ADRA1B: variants seen among roughly 807,000 people sequenced by gnomAD.
ADRA1B encodes the protein adrenoceptor alpha 1B, also known as alpha-1B adrenergic receptor.
ADRA1B carries 17 observed loss-of-function variants against 17.9 expected under a neutral mutation model. The observed-to-expected ratio is 0.95, with a 90% confidence interval of 0.65 to 1.42. ADRA1B has a LOEUF of 1.42. ADRA1B is among the 40% of genes most tolerant of loss of function. The pLI is 0.00. For synonymous variants in ADRA1B, 366 were observed against 327.6 expected, an observed-to-expected ratio of 1.12 and a Z score of -1.27; for missense variants, 681 against 722.1, an observed-to-expected ratio of 0.94 and a Z score of 0.65.
intron 1 of ADRA1B, among the ~76,000 whole-genome samples, chr5:159,937,022 C>T (rs890509531): frequency 6.6e-6 from 1 of 152,148 alleles, no homozygotes; most frequent in African/African-American, 2.4e-5. Flanking sequence ...TAGATCCCAC[C>T]GCAGAACAAC....
intron 1 of ADRA1B, among the ~76,000 whole-genome samples, chr5:159,887,780 C>G (rs914136332): frequency 6.6e-6 from 1 of 152,176 alleles, no homozygotes; most frequent in Non-Finnish European, 1.5e-5. Context: ...GTGCCAGCCT[C>G]TCTGTGTAGA....
intron 1 of ADRA1B, among the ~76,000 whole-genome samples, chr5:159,970,786 T>C (rs1167796278): frequency 2.0e-5 from 3 of 152,180 alleles, no homozygotes; most frequent in African/African-American, 7.2e-5. Context: ...ATCAGGTATG[T>C]CCCTTTGTGG....
intron 1 of ADRA1B, among the ~76,000 whole-genome samples, chr5:159,877,792 C>T (rs1753818480): frequency 6.6e-6 from 1 of 152,216 alleles, no homozygotes; most frequent in African/African-American, 2.4e-5. Context: ...GCTCAGTTCA[C>T]AAACGACAGA....
intron 1 of ADRA1B, chr5:159,951,422 C>T: frequency 1.3e-6 from 1 of 794,474 alleles, no homozygotes; most frequent in South Asian, 1.3e-5. Context: ...ATCCACTTTA[C>T]TAGAGTTAAA....
chr5:159,962,999 G>A (rs1389022406), intron 1 of ADRA1B, among the ~76,000 whole-genome samples: 8 of 126,994 alleles, frequency 6.3e-5, no homozygotes, highest in Admixed American at 9.4e-5. Context: ...TCCTGGACTC[G>A]TGCGATCCTC....
At chr5:159,947,592 T>G (rs1434720121) in intron 1 of ADRA1B, 1 of 543,440 alleles carries the variant, frequency 1.8e-6, no homozygotes, top group African/African-American at 2.1e-5. Flanking sequence ...ATGGTTTCCC[T>G]TTTACATTCT....
chr5:159,950,926 A>G, intron 1 of ADRA1B: 1 of 567,092 alleles, frequency 1.8e-6, no homozygotes, highest in Non-Finnish European at 3.4e-6. Flanking sequence ...ACAGTTTCCC[A>G]GAGAGGCCAT....
chr5:159,867,825 C>T (rs1753677795), intron 1 of ADRA1B: 1 of 152,214 alleles, frequency 6.6e-6, no homozygotes, highest in African/African-American at 2.4e-5. Flanking sequence ...GGAAGAACTG[C>T]TTTCACCTTG....
upstream of ADRA1B, chr5:159,916,237 C>G (rs34428611): frequency 0.4 from 61,261 of 152,000 alleles, 13,189 homozygotes; most frequent in East Asian, 0.76. Context: ...GGAAAATAAC[C>G]CCAGCGGGCC....
At chr5:159,985,657 TTTC>T in the ADRA1B span, among the ~76,000 whole-genome samples, 1 of 152,352 alleles carries the variant, frequency 6.6e-6, no homozygotes, top group East Asian at 1.9e-4. Context: ...TCCTTTTTCT[TTTC>T]TTTTTTGTAG....
chr5:159,969,420 A>T (rs1046330944), intron 1 of ADRA1B, among the ~76,000 whole-genome samples: 3 of 152,242 alleles, frequency 2.0e-5, no homozygotes, highest in Admixed American at 6.5e-5. Flanking sequence ...AATAATCAAG[A>T]AAGTGAAATG....
chr5:159,962,018 T>A (rs948295472), intron 1 of ADRA1B, among the ~76,000 whole-genome samples: 1 of 152,132 alleles, frequency 6.6e-6, no homozygotes, highest in African/African-American at 2.4e-5. Context: ...GTCAACATGA[T>A]GAAATCCTGT....
chr5:159,913,720 A>C (rs1031718479), upstream of ADRA1B, among the ~76,000 whole-genome samples: 1 of 151,988 alleles, frequency 6.6e-6, no homozygotes, highest in African/African-American at 2.4e-5. Context: ...CTGAGTTTTC[A>C]CATTGCAGCT....
chr5:159,916,610 T>G lies in ADRA1B; in HGVS notation c.-296T>G. ...CGCCCCCGGCCCTGCCGCCCCCTCCTCCCCGCCGCTCCCCCGCGAGCCCGG... is the reference window on the plus strand; with the variant it reads ...CGCCCCCGGCCCTGCCGCCCCCTCCGCCCCGCCGCTCCCCCGCGAGCCCGG... On this transcript the variant is annotated 5_prime_UTR_variant, in exon 1 of 2. Transcript: ENST00000306675. 6.4e-6 allele frequency: 1 copy of G among 157,236 alleles called. No homozygotes were observed. The highest frequency in any genetic ancestry group is 1.3e-5 in the Non-Finnish European group (1 of 75,588). The allele number at this position is 157,236 out of a possible 1,614,324, so 9.7% of individuals were successfully genotyped here.
chr5:159,917,066 C>T lies in ADRA1B; in HGVS notation c.161C>T (p.Ala54Val). ...ATCTCTGTGGGCCTGGTGCTGGGCG[C>T]CTTCATCCTCTTTGCCATCGTGGGC... Reference protein sequence around the residue: ...RAISVGLVLGAFILFAIVGNI... With the variant: ...RAISVGLVLGVFILFAIVGNI... The change falls in exon 1 of 2, where the codon GCC becomes GTC. Residue 54 changes from alanine (A) to valine (V), a missense_variant. Physicochemically the swap from Ala to Val is moderately conservative, Grantham distance 64. Around this residue, in one of 3 missense-constraint regions of ADRA1B, gnomAD observed 424 missense variants for 480.2 expected, o/e 0.88. Transcript: ENST00000306675. 1 of 1,614,168 alleles carries T rather than the reference C, an allele frequency of 6.2e-7. No homozygotes were observed. Among genetic ancestry groups the T allele is most frequent in the Non-Finnish European group, 8.5e-7 (1 of 1,180,022 alleles).
chr5:159,981,698 A>G, the ADRA1B span, among the ~76,000 whole-genome samples: 5 of 152,078 alleles, frequency 3.3e-5, no homozygotes, highest in South Asian at 2.1e-4. Flanking sequence ...GGGTTTCACC[A>G]CGTTAGCCAG....
intron 1 of ADRA1B, among the ~76,000 whole-genome samples, chr5:159,928,268 C>A (rs1453615187): frequency 6.6e-6 from 1 of 152,128 alleles, no homozygotes; most frequent in African/African-American, 2.4e-5. Context: ...TCACCCCACC[C>A]ATCATCACCC....
chr5:159,899,072 G>T (rs1245236234), intron 1 of ADRA1B, among the ~76,000 whole-genome samples: 1 of 151,878 alleles, frequency 6.6e-6, no homozygotes, highest in African/African-American at 2.4e-5. Context: ...GCTTGAGTCT[G>T]GGAGGTTGAG....
chr5:159,929,740 T>G (rs1454227460), intron 1 of ADRA1B, among the ~76,000 whole-genome samples: 2 of 151,840 alleles, frequency 1.3e-5, no homozygotes, highest in Admixed American at 1.3e-4. Flanking sequence ...GATTCTTATT[T>G]GAATCAGAAA....
Sources: allele counts gnomAD v4.1 joint callset (sites outside exome capture counted in the v4.1 genomes callset), GRCh38; gene constraint gnomAD v4.1.1; regional missense constraint gnomAD v4.1.1; transcripts MANE v1.5; gene names NCBI Gene and HGNC (gene_info 2026-07-23, HGNC 2026-07-21).